Variants in SP100 observed in about 807,000 individuals in gnomAD.
The protein encoded by SP100 is SP100 nuclear body protein.
SP100 carries 84 observed loss-of-function variants against 130.0 expected under a neutral mutation model. The ratio of observed to expected loss-of-function variants is 0.65; its 90% CI spans 0.54 to 0.77. The LOEUF (loss-of-function observed/expected upper bound fraction) is 0.77, where lower values mean the gene tolerates loss of function less well. Among genes scored for constraint, SP100 ranks in the 30% least tolerant of loss-of-function variants. The pLI, the probability that SP100 is intolerant of heterozygous loss-of-function variation, is 0.00. For synonymous variants in SP100, 331 were observed against 351.7 expected (o/e 0.94, Z 0.66); for missense variants, 978 against 1,052.2 (o/e 0.93, Z 0.97).
At chr2:230,491,329 A>G (rs1455611335) in intron 17 of SP100, among the ~76,000 whole-genome samples, 1 of 152,230 alleles carries the variant, frequency 6.6e-6, no homozygotes, top group Non-Finnish European at 1.5e-5. Context: ...CTCAGGCCCA[A>G]GGACATCTGG....
rs73098953 is a variant in SP100 at position 230,519,751 on chromosome 2, G to C, written c.2094+8585G>C. ...TTTTAGGAGCATCTCACTGCTATCA[G>C]AAGTAAGTCAGTTTGTCTGGTTCTA... is the stretch of plus-strand genomic sequence containing the variant. On this transcript the variant is annotated intron_variant, in intron 24 of 28. Coordinates refer to ENST00000340126, the MANE Select transcript of SP100 (RefSeq NM_001080391.2). Among the ~76,000 whole-genome samples, 684 of 152,272 alleles carry C rather than the reference G, an allele frequency of 4.5e-3. 3 individuals carry two copies. The highest frequency in any genetic ancestry group is 0.016 in the African/African-American group (665 of 41,552).
At chr2:230,469,686 T>C (rs965252678) in intron 14 of SP100, 20 of 1,061,842 alleles carry the variant, frequency 1.9e-5, no homozygotes, top group Non-Finnish European at 2.5e-5. Context: ...TTTGCATTCA[T>C]TGGTCTTCTT....
intron 2 of SP100, among the ~76,000 whole-genome samples, chr2:230,419,988 A>G (rs1483643390): frequency 6.6e-6 from 1 of 152,226 alleles, no homozygotes; most frequent in African/African-American, 2.4e-5. Flanking sequence ...GATTGAATTG[A>G]GAGACACTAA....
At chr2:230,470,167 T>A (rs2065193779) in intron 15 of SP100, 69 bp downstream of exon 15, 8 of 1,541,108 alleles carry the variant, frequency 5.2e-6, no homozygotes, top group Non-Finnish European at 7.0e-6. Flanking sequence ...AGCTGCTGTT[T>A]CCAGACGCTT....
At chr2:230,466,034 A>T (rs2064928256) in intron 11 of SP100, among the ~76,000 whole-genome samples, 1 of 151,824 alleles carries the variant, frequency 6.6e-6, no homozygotes, top group Non-Finnish European at 1.5e-5. Context: ...AAAATACAAA[A>T]ATTAGCCGGG....
chr2:230,537,834 G>C (rs775503869), intron 24 of SP100: 2 of 152,220 alleles, frequency 1.3e-5, no homozygotes, highest in Non-Finnish European at 2.9e-5. Context: ...GTGCAATACA[G>C]TTCGATCACA....
At chr2:230,440,880 T>C (rs575580038) in intron 2 of SP100, among the ~76,000 whole-genome samples, 1 of 152,270 alleles carries the variant, frequency 6.6e-6, no homozygotes, top group Non-Finnish European at 1.5e-5. Flanking sequence ...ATATTGTAAA[T>C]TGTTTTTTGA....
intron 19 of SP100, 138 bp from the exon 20 acceptor site, chr2:230,502,928 A>G: frequency 1.6e-6 from 1 of 619,720 alleles, no homozygotes; most frequent in Admixed American, 3.1e-5. Flanking sequence ...GTCCCTTTAC[A>G]AAAAAAGTTC....
At chr2:230,439,708 CT>C (rs1441092660) in intron 2 of SP100, among the ~76,000 whole-genome samples, 1 of 151,988 alleles carries the variant, frequency 6.6e-6, no homozygotes, top group Non-Finnish European at 1.5e-5. Context: ...TATCCTGAAA[CT>C]TAACTGAATT....
intron 23 of SP100, chr2:230,510,674 T>A (rs1690522983): frequency 5.2e-6 from 1 of 194,114 alleles, no homozygotes; most frequent in Non-Finnish European, 1.1e-5. Flanking sequence ...TTTTTGTATT[T>A]TTAGTAGTGA....
intron 8 of SP100, among the ~76,000 whole-genome samples, chr2:230,451,512 G>T (rs2063983457): frequency 6.6e-6 from 1 of 152,188 alleles, no homozygotes; most frequent in Non-Finnish European, 1.5e-5. Context: ...TTAATATTGA[G>T]TTGTTTGAGC....
chr2:230,419,300 T>G (rs548371040), intron 2 of SP100, among the ~76,000 whole-genome samples: 1 of 152,318 alleles, frequency 6.6e-6, no homozygotes, highest in African/African-American at 2.4e-5. Context: ...AGGAGTGTGA[T>G]GAAATCTCAT....
intron 2 of SP100, among the ~76,000 whole-genome samples, chr2:230,423,826 C>T (rs1190976073): frequency 1.3e-5 from 2 of 152,164 alleles, no homozygotes; most frequent in African/African-American, 4.8e-5. Context: ...GGAAGTCGTC[C>T]TCTGTCCTTT....
chr2:230,450,873 C>G (rs2063945603), intron 8 of SP100, among the ~76,000 whole-genome samples: 1 of 152,116 alleles, frequency 6.6e-6, no homozygotes, highest in South Asian at 2.1e-4. Context: ...TTTTCTTTAT[C>G]CATTCACCCA....
intron 1 of SP100, chr2:230,416,770 C>T (rs1251904384): frequency 5.1e-6 from 5 of 987,116 alleles, no homozygotes; most frequent in South Asian, 4.5e-5. Context: ...GCTGTGGTCT[C>T]ACCTGTCCTG....
chr2:230,448,845 G>A (rs1260418328), intron 5 of SP100, among the ~76,000 whole-genome samples: 1 of 152,278 alleles, frequency 6.6e-6, no homozygotes, highest in African/African-American at 2.4e-5. Flanking sequence ...CAGAGGACAC[G>A]CAGCAGAGTT....
chr2:230,429,051 T>C (rs1262625608), intron 2 of SP100, among the ~76,000 whole-genome samples: 1 of 152,272 alleles, frequency 6.6e-6, no homozygotes, highest in Admixed American at 6.5e-5. Flanking sequence ...TAAGATTTTG[T>C]ATATTTATAT....
intron 8 of SP100, among the ~76,000 whole-genome samples, chr2:230,458,239 C>A (rs62193414): frequency 4.6e-5 from 7 of 152,120 alleles, no homozygotes; most frequent in African/African-American, 1.2e-4. Flanking sequence ...ATTTTCCATA[C>A]GTATTATGTG....
chr2:230,461,538 G>A, intron 9 of SP100, 124 bp downstream of exon 9: 2 of 892,084 alleles, frequency 2.2e-6, no homozygotes, highest in East Asian at 2.5e-5. Flanking sequence ...AAGGGAAAGG[G>A]GCTGGCACCT....
Sources: allele counts gnomAD v4.1 joint callset (sites outside exome capture counted in the v4.1 genomes callset), GRCh38; gene constraint gnomAD v4.1.1; transcripts MANE v1.5; gene names NCBI Gene and HGNC (gene_info 2026-07-23, HGNC 2026-07-21).